The following PCCA variants were observed in gnomAD, a reference collection of about 807,000 sequenced individuals.
The protein encoded by PCCA is propionyl-CoA carboxylase alpha chain, mitochondrial.
PCCA carries 74 observed loss-of-function variants against 101.3 expected under a neutral mutation model. The ratio of observed to expected loss-of-function variants is 0.73; its 90% confidence interval spans 0.61 to 0.89. PCCA has a LOEUF of 0.89. Ranked by LOEUF, PCCA falls within the 40% of genes least tolerant of loss-of-function variation. The probability of loss-of-function intolerance (pLI) is 0.00; values close to 1 mark genes in which losing one functional copy is unlikely to be tolerated. For missense variants in PCCA, 891 were observed against 907.0 expected (o/e 0.98, Z 0.23); for synonymous variants, 294 against 313.6 (o/e 0.94, Z 0.66).
intron 19 of PCCA, among the ~76,000 whole-genome samples, chr13:100,397,076 GTGTC>G (rs955664891): frequency 2.6e-5 from 4 of 152,136 alleles, no homozygotes; most frequent in Non-Finnish European, 5.9e-5. Context: ...ACTCTACTGA[GTGTC>G]TGTTGCAAAC....
At chr13:100,518,361 G>A (rs1398224959) in intron 22 of PCCA, among the ~76,000 whole-genome samples, 2 of 152,232 alleles carry the variant, frequency 1.3e-5, no homozygotes, top group African/African-American at 4.8e-5. Flanking sequence ...AAGAAGAGAT[G>A]TGGGGTGGCC....
At chr13:100,522,730 GC>G (rs2087409594) in intron 22 of PCCA, among the ~76,000 whole-genome samples, 1 of 152,162 alleles carries the variant, frequency 6.6e-6, no homozygotes, top group South Asian at 2.1e-4. Context: ...ACAGACCTCA[GC>G]CCATTAGAAG....
intron 13 of PCCA, 125 bp downstream of exon 13, chr13:100,301,728 A>C (rs1038230162): frequency 1.8e-6 from 2 of 1,113,688 alleles, no homozygotes; most frequent in Non-Finnish European, 2.7e-6. Context: ...TACGTAATCC[A>C]TAATTAAATC....
intron 18 of PCCA, among the ~76,000 whole-genome samples, chr13:100,343,069 G>A (rs1487035466): frequency 6.6e-6 from 1 of 152,154 alleles, no homozygotes; most frequent in East Asian, 1.9e-4. Context: ...GGTGGCGGGT[G>A]CCTGTAATCC....
chr13:100,512,593 C>T (rs1174372351), intron 21 of PCCA, among the ~76,000 whole-genome samples: 1 of 152,190 alleles, frequency 6.6e-6, no homozygotes, highest in Non-Finnish European at 1.5e-5. Context: ...CTTCCGGCTC[C>T]ATGGCAGCCC....
At chr13:100,156,101 C>T (rs144657699) in intron 5 of PCCA, among the ~76,000 whole-genome samples, 14 of 152,212 alleles carry the variant, frequency 9.2e-5, no homozygotes, top group Admixed American at 7.2e-4. Context: ...GAGTTTCGCT[C>T]TTGTTGCCCA....
chr13:100,141,247 T>G (rs2051833419), intron 4 of PCCA, among the ~76,000 whole-genome samples: 2 of 152,204 alleles, frequency 1.3e-5, no homozygotes. Context: ...TCTCACAGAT[T>G]TCTATACTGG....
At chr13:100,441,782 G>A (rs866684961) in intron 20 of PCCA, among the ~76,000 whole-genome samples, 2 of 152,112 alleles carry the variant, frequency 1.3e-5, no homozygotes, top group African/African-American at 4.8e-5. Flanking sequence ...CATATCAAGT[G>A]GTCAGTTCAT....
At chr13:100,305,466 T>C (rs1217994218) in intron 14 of PCCA, among the ~76,000 whole-genome samples, 3 of 152,200 alleles carry the variant, frequency 2.0e-5, no homozygotes. Flanking sequence ...TGTAGCAGTT[T>C]ATGTAGCAAA....
At position 100,530,087 on chromosome 13, in the gene PCCA, C is replaced by A; in HGVS notation, c.2119-11C>A. 1 of 1,612,238 alleles carries A rather than the reference C, an allele frequency of 6.2e-7. No homozygotes were observed. Among genetic ancestry groups the A allele is most frequent in the Non-Finnish European group, 8.5e-7 (1 of 1,178,378 alleles). The stretch of plus-strand genomic sequence containing the variant: ...TACTCTCCCCTCCCCCTGCATTTTT[C>A]AAAATTCAAGGTGAAATCTGTGCAC... On this transcript the variant is annotated splice_polypyrimidine_tract_variant and intron_variant, in intron 23 of 23. Transcript: ENST00000376285.
At chr13:100,145,592 A>C (rs1202447379) in intron 4 of PCCA, among the ~76,000 whole-genome samples, 2 of 152,156 alleles carry the variant, frequency 1.3e-5, no homozygotes, top group African/African-American at 4.8e-5. Flanking sequence ...GGTAGGGCGC[A>C]GTGGCTCACG....
chr13:100,375,856 A>G (rs923515841), intron 19 of PCCA, among the ~76,000 whole-genome samples: 1 of 152,226 alleles, frequency 6.6e-6, no homozygotes, highest in Admixed American at 6.5e-5. Context: ...GGCAAATTGG[A>G]TAGAGTGAAG....
At chr13:100,499,803 A>T (rs2085540704) in intron 21 of PCCA, among the ~76,000 whole-genome samples, 1 of 152,228 alleles carries the variant, frequency 6.6e-6, no homozygotes, top group African/African-American at 2.4e-5. Context: ...TTTCTTTCAC[A>T]GTTTTCAAAA....
chr13:100,459,072 G>A (rs1351297349), intron 21 of PCCA, among the ~76,000 whole-genome samples: 2 of 152,062 alleles, frequency 1.3e-5, no homozygotes, highest in Admixed American at 1.3e-4. Context: ...GGCAGTCCTT[G>A]CCTTCCTTGG....
chr13:100,494,026 T>G (rs1335447252), intron 21 of PCCA, among the ~76,000 whole-genome samples: 1 of 151,798 alleles, frequency 6.6e-6, no homozygotes, highest in Non-Finnish European at 1.5e-5. Flanking sequence ...CCATCTCTAC[T>G]AAAAATACAA....
intron 15 of PCCA, among the ~76,000 whole-genome samples, 191 bp downstream of exon 15, chr13:100,307,451 T>TCCTCCTCCC (rs1450110746): frequency 1.3e-5 from 2 of 152,168 alleles, no homozygotes; most frequent in South Asian, 2.1e-4. Flanking sequence ...TTTGTAGTAC[T>TCCTCCTCCC]CCTCCTCCCC....
intron 2 of PCCA, among the ~76,000 whole-genome samples, chr13:100,110,309 C>G (rs1404782266): frequency 1.3e-5 from 2 of 152,106 alleles, no homozygotes; most frequent in African/African-American, 4.8e-5. Flanking sequence ...TGTATTACAT[C>G]CAAATTACTT....
intron 19 of PCCA, among the ~76,000 whole-genome samples, chr13:100,371,827 T>C (rs1262999836): frequency 6.6e-6 from 1 of 152,194 alleles, no homozygotes; most frequent in African/African-American, 2.4e-5. Context: ...AGTGTGGTAC[T>C]GCACATATAT....
intron 2 of PCCA, among the ~76,000 whole-genome samples, chr13:100,104,195 A>G (rs1311859027): frequency 6.6e-6 from 1 of 152,198 alleles, no homozygotes; most frequent in Non-Finnish European, 1.5e-5. Context: ...GACATGTCTG[A>G]GGTATCTTCT....
Sources: allele counts gnomAD v4.1 joint callset (sites outside exome capture counted in the v4.1 genomes callset), GRCh38; gene constraint gnomAD v4.1.1; transcripts MANE v1.5; gene names NCBI Gene and HGNC (gene_info 2026-07-23, HGNC 2026-07-21).